MAN2A1: variants seen among roughly 807,000 people sequenced by gnomAD.
MAN2A1 encodes the protein mannosidase alpha class 2A member 1.
MAN2A1 carries 76 observed loss-of-function variants against 142.6 expected under a neutral mutation model. The ratio of observed to expected loss-of-function variants is 0.53; its 90% CI spans 0.44 to 0.65. The LOEUF is 0.65. Ranked by LOEUF, MAN2A1 falls within the 30% of genes least tolerant of loss-of-function variation. The pLI is 0.00. For synonymous variants in MAN2A1, 559 were observed against 473.2 expected, an observed-to-expected ratio of 1.18 and a Z score of -2.35; for missense variants, 1,311 against 1,365.1, an observed-to-expected ratio of 0.96 and a Z score of 0.62.
rs1179185477 is a variant in MAN2A1 at position 109,781,433 on chromosome 5, T to C, written c.1412T>C (p.Leu471Pro). ...ACTTTATCAGATTTTTTTGATGCGC[T>C]GGATAAAGCAGATGAAACTCAGAGA... Reference protein sequence around the residue: ...FGTLSDFFDALDKADETQRDK... With the variant: ...FGTLSDFFDAPDKADETQRDK... Residue 471 changes from leucine to proline, a missense_variant, in exon 9 of 22, where the codon CTG becomes CCG. Physicochemically the swap from Leu to Pro is moderately conservative, Grantham distance 98. Around this residue, in one of 3 missense-constraint regions of MAN2A1, gnomAD observed 890 missense variants for 920.5 expected, o/e 0.97. Coordinates refer to ENST00000261483, the MANE Select transcript of MAN2A1 (RefSeq NM_002372.4). 1 of 1,608,718 alleles carries C rather than the reference T, an allele frequency of 6.2e-7. No individual in the cohort carries two copies. The highest frequency in any genetic ancestry group is 8.5e-7 in the Non-Finnish European group (1 of 1,178,652).
At chr5:109,820,139 T>C in intron 14 of MAN2A1, 81 bp from the exon 15 acceptor site, 3 of 1,240,946 alleles carry the variant, frequency 2.4e-6, no homozygotes, top group Non-Finnish European at 3.4e-6. Context: ...TTTTTTTAAA[T>C]TGTCATATAC....
At chr5:109,816,156 C>G (rs894125902) in intron 12 of MAN2A1, among the ~76,000 whole-genome samples, 8 of 152,196 alleles carry the variant, frequency 5.3e-5, no homozygotes, top group Admixed American at 4.6e-4. Flanking sequence ...TTGGGTACCT[C>G]AACTGAGAAT....
chr5:109,769,160 G>A (rs749398446), intron 6 of MAN2A1, among the ~76,000 whole-genome samples: 1 of 152,146 alleles, frequency 6.6e-6, no homozygotes, highest in African/African-American at 2.4e-5. Flanking sequence ...TATGCTCATA[G>A]CAAGCATTAG....
intron 16 of MAN2A1, among the ~76,000 whole-genome samples, chr5:109,832,648 C>T (rs996095568): frequency 1.4e-4 from 21 of 152,204 alleles, no homozygotes; most frequent in Non-Finnish European, 2.6e-4. Flanking sequence ...TCGACAAAAC[C>T]GCCATCGTCA....
intron 4 of MAN2A1, among the ~76,000 whole-genome samples, chr5:109,747,722 T>C (rs1025204081): frequency 3.3e-5 from 5 of 152,170 alleles, no homozygotes; most frequent in Non-Finnish European, 7.4e-5. Flanking sequence ...AACAAGCAAG[T>C]TGACATGCTT....
At chr5:109,845,794 C>A in intron 17 of MAN2A1, 71 bp from the exon 18 acceptor site, 1 of 1,209,618 alleles carries the variant, frequency 8.3e-7, no homozygotes, top group Non-Finnish European at 1.1e-6. Context: ...AGAAAAATCA[C>A]CTGTCCTCAA....
chr5:109,808,226 T>G (rs959191629), intron 12 of MAN2A1, among the ~76,000 whole-genome samples: 6 of 152,206 alleles, frequency 3.9e-5, no homozygotes, highest in African/African-American at 1.4e-4. Flanking sequence ...TCCTTTGCCC[T>G]TTAAAAAATT....
intron 20 of MAN2A1, 134 bp from the exon 21 acceptor site, chr5:109,864,902 A>G: frequency 1.5e-6 from 1 of 666,296 alleles, no homozygotes; most frequent in Non-Finnish European, 2.8e-6. Flanking sequence ...GGACCTGAGG[A>G]GAAATGAATT....
At chr5:109,709,778 G>T (rs866817587) in intron 1 of MAN2A1, among the ~76,000 whole-genome samples, 8 of 152,204 alleles carry the variant, frequency 5.3e-5, no homozygotes, top group South Asian at 2.1e-4. Flanking sequence ...ACTCCTGAGC[G>T]GTGCAATGCT....
chr5:109,780,853 T>A (rs534945675), intron 8 of MAN2A1, among the ~76,000 whole-genome samples: 54 of 152,308 alleles, frequency 3.5e-4, no homozygotes, highest in African/African-American at 1.2e-3. Context: ...TTCATTTTTT[T>A]AAAATGACCT....
chr5:109,733,345 G>A (rs1019793653), intron 4 of MAN2A1, among the ~76,000 whole-genome samples: 10 of 151,986 alleles, frequency 6.6e-5, no homozygotes, highest in Admixed American at 5.9e-4. Context: ...CTAATTGAAT[G>A]CCCTTTATTT....
chr5:109,762,020 A>T (rs1287811732), intron 5 of MAN2A1, among the ~76,000 whole-genome samples: 3 of 152,156 alleles, frequency 2.0e-5, no homozygotes, highest in African/African-American at 7.2e-5. Flanking sequence ...ATACTAGCAG[A>T]AAGTAAGGAG....
chr5:109,699,132 A>G (rs574879676), intron 1 of MAN2A1, among the ~76,000 whole-genome samples: 1 of 152,186 alleles, frequency 6.6e-6, no homozygotes. Flanking sequence ...TTCTTGATTC[A>G]TCAACTTTAG....
At chr5:109,758,282 TA>T (rs1314330887) in intron 5 of MAN2A1, among the ~76,000 whole-genome samples, 2 of 152,152 alleles carry the variant, frequency 1.3e-5, no homozygotes, top group African/African-American at 4.8e-5. Flanking sequence ...CTAGTGGTAC[TA>T]AGAATCTTTT....
Position 109,866,997 on chromosome 5 carries a change from G to A in MAN2A1, c.3434G>A (p.Ter1145=), listed in dbSNP as rs999626962. 2 of 1,604,952 alleles carry A rather than the reference G, an allele frequency of 1.2e-6. No homozygotes were observed. Among genetic ancestry groups the A allele is most frequent in the Admixed American group, 3.4e-5 (2 of 58,456 alleles). ...AGCACATTCCGAATCCAGTTGAGGT[G>A]AACCTGACTTTCACATTTGGATTGA... ...EISTFRIQLR[*] is the part of the protein sequence containing the mutation. The change falls in exon 22 of 22, where the codon TGA becomes TAA. Residue 1145 remains the stop codon, a stop_retained_variant. Transcript: ENST00000261483.
chr5:109,823,767 A>G lies in MAN2A1; in HGVS notation c.2496A>G (p.Gly832=), dbSNP rs1347192505. The G allele has an allele frequency of 6.2e-7, 1 of 1,609,670 alleles. No homozygotes were observed. Among genetic ancestry groups the G allele is most frequent in the African/African-American group, 1.3e-5 (1 of 74,764 alleles). Residue 832 remains glycine, a synonymous_variant, in exon 16 of 22, where the codon GGA becomes GGG. Coordinates refer to ENST00000261483, the MANE Select transcript of MAN2A1 (RefSeq NM_002372.4). Reference sequence around the variant, plus strand: ...CGCCCTTTGTCAGAGTGACACATGGAAGGATTTATTCGGAAGTGACTTGCT... The same window carrying G: ...CGCCCTTTGTCAGAGTGACACATGGGAGGATTTATTCGGAAGTGACTTGCT... ...TTPPFVRVTH[G]RIYSEVTCFF...
intron 1 of MAN2A1, among the ~76,000 whole-genome samples, chr5:109,702,462 T>G (rs1053232581): frequency 6.6e-6 from 1 of 152,064 alleles, no homozygotes; most frequent in Non-Finnish European, 1.5e-5. Context: ...AAAGTTGTTC[T>G]GAAAGTCAGA....
intron 16 of MAN2A1, among the ~76,000 whole-genome samples, chr5:109,837,242 C>T (rs1283610025): frequency 1.3e-5 from 2 of 151,314 alleles, no homozygotes; most frequent in African/African-American, 4.9e-5. Flanking sequence ...ACTTTCTTGG[C>T]TTCTAAGGTG....
chr5:109,843,655 A>G (rs1209076022), intron 17 of MAN2A1, among the ~76,000 whole-genome samples: 1 of 152,208 alleles, frequency 6.6e-6, no homozygotes, highest in East Asian at 1.9e-4. Flanking sequence ...ATCTATTCAG[A>G]AATGGGCAGG....
Sources: allele counts gnomAD v4.1 joint callset (sites outside exome capture counted in the v4.1 genomes callset), GRCh38; gene constraint gnomAD v4.1.1; regional missense constraint gnomAD v4.1.1; transcripts MANE v1.5; gene names NCBI Gene and HGNC (gene_info 2026-07-23, HGNC 2026-07-21).